Variants in MRPL9 observed in about 807,000 individuals in gnomAD.
MRPL9 encodes mitochondrial ribosomal protein L9.
MRPL9 carries 25 observed loss-of-function variants against 27.6 expected under a neutral mutation model. The observed-to-expected ratio is 0.91, with a 90% CI of 0.66 to 1.27. The LOEUF (loss-of-function observed/expected upper bound fraction) is 1.27. MRPL9 is among the 50% of genes most tolerant of loss of function. The pLI is 0.00. For synonymous variants in MRPL9, 154 were observed against 139.0 expected (o/e 1.11, Z -0.76); for missense variants, 362 against 338.0 (o/e 1.07, Z -0.56).
intron 6 of MRPL9, 32 bp downstream of exon 6, chr1:151,760,783 GA>G: frequency 6.5e-7 from 1 of 1,528,182 alleles, no homozygotes; most frequent in Non-Finnish European, 8.8e-7. Flanking sequence ...AAAGGAGAAA[GA>G]AAAGAAAAAA....
At chr1:151,762,786 A>C (rs961945801) in intron 2 of MRPL9, 1 of 721,932 alleles carries the variant, frequency 1.4e-6, no homozygotes, top group African/African-American at 1.8e-5. Flanking sequence ...ACTGTTAATG[A>C]TGTTGCTGCC....
At chr1:151,760,202 A>G in intron 6 of MRPL9, 21 bp from the exon 7 acceptor site, 1 of 1,613,864 alleles carries the variant, frequency 6.2e-7, no homozygotes, top group South Asian at 1.1e-5. Flanking sequence ...AACAATGGGA[A>G]TTCTCAGAGA....
chr1:151,762,920 G>A (rs947116640), intron 2 of MRPL9, 70 bp downstream of exon 2: 2 of 1,540,324 alleles, frequency 1.3e-6, no homozygotes, highest in African/African-American at 1.4e-5. Context: ...ATAGTTGAGG[G>A]GGACGGGCTA....
intron 5 of MRPL9, among the ~76,000 whole-genome samples, chr1:151,761,234 AACC>A (rs1648062080): frequency 6.6e-6 from 1 of 152,244 alleles, no homozygotes; most frequent in Non-Finnish European, 1.5e-5. Context: ...AATAAATGGA[AACC>A]ACCACCTTTT....
chr1:151,762,235 G>C lies in MRPL9; in HGVS notation c.436-80C>G, dbSNP rs1442725958. 3.2e-6 allele frequency: 5 copies of C among 1,560,848 alleles called. No homozygotes were observed. The Admixed American group carries it at 5.0e-5, about 16-fold the overall frequency. ...AATAGCATCAAACTATTCCTATGTTGGACATTGGCTGGGCTTCTGCATTCC... is the reference window on the plus strand; with the variant it reads ...AATAGCATCAAACTATTCCTATGTTCGACATTGGCTGGGCTTCTGCATTCC... On this transcript the variant is annotated intron_variant, in intron 3 of 6. Transcript: ENST00000368830.
chr1:151,761,612 G>C, intron 4 of MRPL9, 60 bp from the exon 5 acceptor site: 1 of 1,270,534 alleles, frequency 7.9e-7, no homozygotes, highest in South Asian at 1.2e-5. Flanking sequence ...CACAGGGTAT[G>C]CAAGCCAAGC....
In MRPL9 at chr1:151,760,903, C is replaced by CAAAA. The variant is rs755031728; in HGVS notation, c.589-8_589-5dup. ...GTGGGGCAACCACAACACCAAGCTG[C>CAAAA]AAAAAAAAAAAAAAAAAAAAAAATC... On this transcript the variant is annotated splice_polypyrimidine_tract_variant and splice_region_variant and intron_variant, in intron 5 of 6. Coordinates refer to ENST00000368830, the MANE Select transcript of MRPL9 (RefSeq NM_031420.4). 0.014 allele frequency: 13,420 copies of CAAAA among 941,974 alleles called. 57 individuals carry two copies. Among genetic ancestry groups the CAAAA allele is most frequent in the Admixed American group, 0.023 (443 of 19,526 alleles). The allele number at this position is 941,974 out of a possible 1,614,324, so 58.4% of individuals were successfully genotyped here.
At chr1:151,761,645 C>G in intron 4 of MRPL9, 93 bp from the exon 5 acceptor site, 1 of 970,202 alleles carries the variant, frequency 1.0e-6, no homozygotes, top group Non-Finnish European at 1.6e-6. Flanking sequence ...GCCTGTAATC[C>G]CAGCACTTTG....
chr1:151,760,913 A>AAAAAAAAAAAAAAAAAAAAAAC lies in MRPL9; in HGVS notation c.589-15_589-14insGTTTTTTTTTTTTTTTTTTTTT. ...CACAACACCAAGCTGCAAAAAAAAA[A>AAAAAAAAAAAAAAAAAAAAAAC]AAAAAAAAAAAAATCTCAGCTCAAA... On this transcript the variant is annotated splice_polypyrimidine_tract_variant and intron_variant, in intron 5 of 6. Transcript: ENST00000368830. 6.5e-7 allele frequency: 1 copy of AAAAAAAAAAAAAAAAAAAAAAC among 1,550,122 alleles called. No homozygotes were observed. Among genetic ancestry groups the AAAAAAAAAAAAAAAAAAAAAAC allele is most frequent in the Non-Finnish European group, 8.6e-7 (1 of 1,159,360 alleles).
chr1:151,760,913 A>G lies in MRPL9; in HGVS notation c.589-14T>C. On this transcript the variant is annotated splice_polypyrimidine_tract_variant and intron_variant, in intron 5 of 6. Transcript: ENST00000368830. The stretch of plus-strand genomic sequence containing the variant: ...CACAACACCAAGCTGCAAAAAAAAA[A>G]AAAAAAAAAAAAATCTCAGCTCAAA... 1 of 1,550,122 alleles carries G rather than the reference A, an allele frequency of 6.5e-7. No homozygotes were observed. Among genetic ancestry groups the G allele is most frequent in the African/African-American group, 1.4e-5 (1 of 70,770 alleles).
rs148153971 is a variant in MRPL9, at chr1:151,760,028, C to T, written c.*22G>A. The T allele has an allele frequency of 5.8e-3, 9,327 of 1,608,728 alleles. 37 individuals carry two copies. The highest frequency in any genetic ancestry group is 7.1e-3 in the Non-Finnish European group (8,340 of 1,176,906). On this transcript the variant is annotated 3_prime_UTR_variant, in exon 7 of 7. Transcript: ENST00000368830. ...CTCCACTGCTCCCGATTCTGCTTTGCTGCCTTGGAGGGAGAGTAGATTTAG... is the reference window on the plus strand; with the variant it reads ...CTCCACTGCTCCCGATTCTGCTTTGTTGCCTTGGAGGGAGAGTAGATTTAG...
rs1009156700 is a variant in MRPL9, at chr1:151,762,127, A to T, written c.464T>A (p.Ile155Asn). 10 of 1,614,088 alleles carry T rather than the reference A, an allele frequency of 6.2e-6. No individual in the cohort carries two copies. Among genetic ancestry groups the T allele is most frequent in the Non-Finnish European group, 8.5e-6 (10 of 1,180,044 alleles). Residue 155 changes from isoleucine to asparagine, a missense_variant, in exon 4 of 7, where the codon ATC (isoleucine) becomes AAC (asparagine). Transcript: ENST00000368830. ...CACCGCCTCACCTGCCTTGGTCTGG[A>T]TCTTCTCTAATTTTCCTTCTTGTCT... The part of the protein sequence containing the change: ...LLRQEGKLEK[I>N]QTKAGEATVK...
At position 151,760,903 on chromosome 1, in the gene MRPL9, CAAAAAAA is replaced by C. The variant is rs755031728; in HGVS notation, c.589-11_589-5del. ...GTGGGGCAACCACAACACCAAGCTGCAAAAAAAAAAAAAAAAAAAAAAATCTCAGCTC... is the reference window on the plus strand; with the variant it reads ...GTGGGGCAACCACAACACCAAGCTGCAAAAAAAAAAAAAAAATCTCAGCTC... On this transcript the variant is annotated splice_polypyrimidine_tract_variant and splice_region_variant and intron_variant, in intron 5 of 6. Coordinates refer to ENST00000368830, the MANE Select transcript of MRPL9 (RefSeq NM_031420.4). 111 of 953,520 alleles carry C rather than the reference CAAAAAAA, an allele frequency of 1.2e-4. No homozygotes were observed. Among genetic ancestry groups the C allele is most frequent in the South Asian group, 2.4e-4 (11 of 45,462 alleles). The allele number at this position is 953,520 out of a possible 1,614,324, so 59.1% of individuals were successfully genotyped here.
chr1:151,759,911 A>G lies in MRPL9; in HGVS notation c.*139T>C. 9.0e-7 allele frequency: 1 copy of G among 1,116,928 alleles called. No homozygotes were observed. Among genetic ancestry groups the G allele is most frequent in the Non-Finnish European group, 1.2e-6 (1 of 805,078 alleles). 69.2% of individuals were successfully genotyped at this position (1,116,928 alleles called of 1,614,324 possible). On this transcript the variant is annotated 3_prime_UTR_variant, in exon 7 of 7. Coordinates refer to ENST00000368830, the MANE Select transcript of MRPL9 (RefSeq NM_031420.4). ...GGCAAAAATGAAGAATTCAACATGT[A>G]TACGCAGTGCAGTCTGATGTCTTCA... is the stretch of plus-strand genomic sequence containing the variant.
In MRPL9 at chr1:151,762,416, GCATATACAGC is replaced by G. The variant is rs1400432163; in HGVS notation, c.385_394del (p.Ala129HisfsTer15). 1 of 1,614,074 alleles carries G rather than the reference GCATATACAGC, an allele frequency of 6.2e-7. No homozygotes were observed. Among genetic ancestry groups the G allele is most frequent in the Non-Finnish European group, 8.5e-7 (1 of 1,180,032 alleles). On this transcript the variant is annotated frameshift_variant, in exon 3 of 7. Coordinates refer to ENST00000368830, the MANE Select transcript of MRPL9 (RefSeq NM_031420.4). LOFTEE classifies it high-confidence loss of function. The stretch of plus-strand genomic sequence containing the variant: ...AAACAGCTTCTTGTTTTCAGGGGAT[GCATATACAGC>G]CAGTCCCTGAGGAAGGAGTCGATTC...
chr1:151,760,921 A>AAAATAAAAT (rs1553276962), intron 5 of MRPL9, 22 bp from the exon 6 acceptor site: 1 of 1,540,780 alleles, frequency 6.5e-7, no homozygotes, highest in African/African-American at 1.5e-5. Flanking sequence ...AAAAAAAAAA[A>AAAATAAAAT]AAAAATCTCA....
At position 151,762,997 on chromosome 1, in the gene MRPL9, C is replaced by T. The variant is rs1364884210; in HGVS notation, c.303G>A (p.Ser101=). ...KENLELILTQ[S]VENVGVRGDL... is the part of the protein sequence containing the mutation. ...CCTCGGCCCGGGCCTTACTCTCCAC[C>T]GACTGCGTCAGGATGAGCTCCAGGT... Residue 101 remains serine, a synonymous_variant, in exon 2 of 7, where the codon TCG becomes TCA. Coordinates refer to ENST00000368830, the MANE Select transcript of MRPL9 (RefSeq NM_031420.4). The T allele has an allele frequency of 1.2e-6, 2 of 1,614,020 alleles. No individual in the cohort carries two copies. The highest frequency in any genetic ancestry group is 1.7e-6 in the Non-Finnish European group (2 of 1,179,996).
rs1165231867 is a variant in MRPL9, at chr1:151,763,427, G to GCGCC, written c.49_52dup (p.Ala18GlyfsTer19). The GCGCC allele has an allele frequency of 1.3e-6, 2 of 1,565,852 alleles. No homozygotes were observed. The highest frequency in any genetic ancestry group is 1.9e-5 in the Admixed American group (1 of 52,782). Reference sequence around the variant, plus strand: ...GACGCCTCCCCGAAGCAGCCGTCCAGCGCCCGCCCGCAGCAGAGCTCTGCC... The same window carrying GCGCC: ...GACGCCTCCCCGAAGCAGCCGTCCAGCGCCCGCCCGCCCGCAGCAGAGCTCTGCC... On this transcript the variant is annotated frameshift_variant, in exon 1 of 7. Coordinates refer to ENST00000368830, the MANE Select transcript of MRPL9 (RefSeq NM_031420.4). LOFTEE classifies it high-confidence loss of function.
intron 5 of MRPL9, 102 bp downstream of exon 5, chr1:151,761,349 G>C: frequency 1.2e-6 from 1 of 816,744 alleles, no homozygotes; most frequent in Middle Eastern, 2.3e-4. Flanking sequence ...ACTACAACTG[G>C]ATGATCACAC....
Sources: gnomAD v4.1 joint callset for allele counts (sites outside exome capture counted in the v4.1 genomes callset) on GRCh38, gnomAD v4.1.1 for gene constraint, MANE v1.5 for transcripts, NCBI Gene and HGNC (gene_info 2026-07-23, HGNC 2026-07-21) for gene names.